MAGI1: variants seen among roughly 807,000 people sequenced by gnomAD.
MAGI1 encodes the protein membrane-associated guanylate kinase, WW and PDZ domain-containing protein 1.
Under a neutral mutation model 139.9 loss-of-function variants are expected in MAGI1, and 58 were observed. That is an observed-to-expected ratio of 0.41 (90% CI 0.34 to 0.52). The LOEUF is 0.52. Among genes scored for constraint, MAGI1 ranks in the 20% least tolerant of loss-of-function variants. MAGI1 has a pLI of 0.12. For synonymous variants in MAGI1, 812 were observed against 737.9 expected, an observed-to-expected ratio of 1.10 and a Z score of -1.63; for missense variants, 1,874 against 1,901.6, an observed-to-expected ratio of 0.99 and a Z score of 0.27.
intron 1 of MAGI1, among the ~76,000 whole-genome samples, chr3:65,680,716 C>T (rs997720871): frequency 6.6e-5 from 10 of 152,082 alleles, no homozygotes; most frequent in East Asian, 1.9e-4. Flanking sequence ...CCTCAACACC[C>T]GGCCTGAGCC....
At chr3:65,358,410 G>C (rs1940437716) in intron 22 of MAGI1, among the ~76,000 whole-genome samples, 1 of 152,150 alleles carries the variant, frequency 6.6e-6, no homozygotes, top group African/African-American at 2.4e-5. Context: ...TCAATATTTA[G>C]CAATTAACCT....
At chr3:65,475,661 T>C (rs1361174162) in intron 4 of MAGI1, among the ~76,000 whole-genome samples, 1 of 152,112 alleles carries the variant, frequency 6.6e-6, no homozygotes, top group African/African-American at 2.4e-5. Context: ...GGTCAATAAT[T>C]TGGGCACAAT....
At chr3:66,007,031 G>C (rs541480491) in intron 1 of MAGI1, among the ~76,000 whole-genome samples, 15 of 151,884 alleles carry the variant, frequency 9.9e-5, no homozygotes, top group Admixed American at 2.6e-4. Context: ...TGTAGAAACA[G>C]AGTCCCACTT....
intron 2 of MAGI1, among the ~76,000 whole-genome samples, chr3:65,543,759 G>T (rs907498819): frequency 6.6e-6 from 1 of 151,950 alleles, no homozygotes. Flanking sequence ...CAGGGATGGG[G>T]GGGGGTACAA....
chr3:65,636,730 A>G (rs1176771257), intron 1 of MAGI1, among the ~76,000 whole-genome samples: 1 of 152,010 alleles, frequency 6.6e-6, no homozygotes, highest in African/African-American at 2.4e-5. Flanking sequence ...ACACATACAC[A>G]CACACACACA....
intron 1 of MAGI1, among the ~76,000 whole-genome samples, chr3:65,706,494 G>A (rs767766045): frequency 7.9e-5 from 12 of 152,152 alleles, no homozygotes; most frequent in Non-Finnish European, 1.3e-4. Flanking sequence ...GGTCTGAATG[G>A]GAAACTGTCG....
intron 1 of MAGI1, among the ~76,000 whole-genome samples, chr3:65,970,741 G>A (rs2064979488): frequency 6.6e-6 from 1 of 152,082 alleles, no homozygotes; most frequent in African/African-American, 2.4e-5. Flanking sequence ...GCAGGTTATG[G>A]GTTCCAGGGA....
At position 65,362,336 on chromosome 3, in the gene MAGI1, TTAAAG is replaced by T. The variant is rs550503793; in HGVS notation, c.3496-1004_3496-1000del. 9.5e-4 allele frequency among the ~76,000 whole-genome samples: 139 copies of T among 146,984 alleles called. 1 individual carries two copies. The highest frequency in any genetic ancestry group is 2.4e-3 in the African/African-American group (88 of 36,626). ...AAAGAGATTAAATTTTTAAAGTAAT[TTAAAG>T]TAAAGTAATTTAAAGTAATTAACTT... On this transcript the variant is annotated intron_variant, in intron 21 of 22. Coordinates refer to ENST00000402939, the MANE Select transcript of MAGI1 (RefSeq NM_001033057.2).
At chr3:65,975,630 T>G (rs1291466191) in intron 1 of MAGI1, among the ~76,000 whole-genome samples, 1 of 151,252 alleles carries the variant, frequency 6.6e-6, no homozygotes, top group Non-Finnish European at 1.5e-5. Flanking sequence ...TAACCCAATC[T>G]CAAAATAATA....
intron 2 of MAGI1, among the ~76,000 whole-genome samples, chr3:65,546,829 A>G (rs1192494522): frequency 6.6e-6 from 1 of 152,196 alleles, no homozygotes; most frequent in Non-Finnish European, 1.5e-5. Flanking sequence ...AAAAAAGTCA[A>G]TGATTGCTTT....
intron 1 of MAGI1, among the ~76,000 whole-genome samples, chr3:65,959,931 G>C (rs2064341535): frequency 6.9e-6 from 1 of 144,764 alleles, no homozygotes; most frequent in East Asian, 2.2e-4. Context: ...TCAGCCTCCA[G>C]AGTAGCTGTG....
At chr3:65,687,053 A>G (rs1436312030) in intron 1 of MAGI1, among the ~76,000 whole-genome samples, 1 of 152,186 alleles carries the variant, frequency 6.6e-6, no homozygotes, top group Non-Finnish European at 1.5e-5. Flanking sequence ...TGCTACTCAA[A>G]ACGTGGTCAC....
At chr3:65,660,412 T>G (rs1455285436) in intron 1 of MAGI1, among the ~76,000 whole-genome samples, 1 of 152,244 alleles carries the variant, frequency 6.6e-6, no homozygotes, top group Non-Finnish European at 1.5e-5. Context: ...TCTGTGAAAC[T>G]TGACCTTGTC....
At chr3:65,594,624 C>T (rs182324100) in intron 2 of MAGI1, among the ~76,000 whole-genome samples, 41 of 151,946 alleles carry the variant, frequency 2.7e-4, no homozygotes, top group Admixed American at 3.9e-4. Flanking sequence ...AGTATGACTG[C>T]GAGGGATGTG....
intron 1 of MAGI1, among the ~76,000 whole-genome samples, chr3:65,695,471 T>TG (rs2089085721): frequency 6.6e-6 from 1 of 152,194 alleles, no homozygotes; most frequent in South Asian, 2.1e-4. Context: ...AACTTGTACT[T>TG]GCTCCCTCTG....
Position 65,606,488 on chromosome 3 carries a change from A to C in MAGI1, c.430+15484T>G, listed in dbSNP as rs6445487. Among the ~76,000 whole-genome samples the C allele has an allele frequency of 7.3e-5, 11 of 151,094 alleles. No individual in the cohort carries two copies. The East Asian group carries it at 1.8e-3, about 24-fold the overall frequency. On this transcript the variant is annotated intron_variant, in intron 2 of 22. Coordinates refer to ENST00000402939, the MANE Select transcript of MAGI1 (RefSeq NM_001033057.2). Reference sequence around the variant, plus strand: ...CCAGAGTAGCTGCGATTACAGGTGTATGCCACCACACCCGGATGTTTATTT... The same window carrying C: ...CCAGAGTAGCTGCGATTACAGGTGTCTGCCACCACACCCGGATGTTTATTT...
At chr3:65,890,646 CA>C (rs1298924864) in intron 1 of MAGI1, among the ~76,000 whole-genome samples, 1 of 152,124 alleles carries the variant, frequency 6.6e-6, no homozygotes, top group African/African-American at 2.4e-5. Flanking sequence ...TTCACATAGC[CA>C]AAAACTCAGG....
chr3:65,556,553 G>A (rs1384185850), intron 2 of MAGI1, among the ~76,000 whole-genome samples: 1 of 152,106 alleles, frequency 6.6e-6, no homozygotes, highest in Non-Finnish European at 1.5e-5. Flanking sequence ...ATTCATCCTG[G>A]ACAACCCTCT....
chr3:65,550,373 T>C (rs892579169), intron 2 of MAGI1, among the ~76,000 whole-genome samples: 2 of 152,146 alleles, frequency 1.3e-5, no homozygotes, highest in African/African-American at 4.8e-5. Flanking sequence ...TGCTACTGTT[T>C]TTAGTAAACT....
Sources: allele counts gnomAD v4.1 joint callset (sites outside exome capture counted in the v4.1 genomes callset), GRCh38; gene constraint gnomAD v4.1.1; transcripts MANE v1.5; gene names NCBI Gene and HGNC (gene_info 2026-07-23, HGNC 2026-07-21).